The following COP1 variants were observed in gnomAD, a reference collection of about 807,000 sequenced individuals.
COP1 encodes E3 ubiquitin-protein ligase COP1.
In COP1, 24 loss-of-function variants were observed where a neutral mutation model predicts 101.3. The ratio of observed to expected loss-of-function variants is 0.24; its 90% CI spans 0.17 to 0.33. The LOEUF (loss-of-function observed/expected upper bound fraction) is 0.33, where lower values mean the gene tolerates loss of function less well. COP1 is among the 10% of genes least tolerant of loss of function. The probability of loss-of-function intolerance (pLI) is 1.00; values close to 1 mark genes in which losing one functional copy is unlikely to be tolerated. For missense variants in COP1, 663 were observed against 906.2 expected (o/e 0.73, Z 3.45); for synonymous variants, 347 against 341.9 (o/e 1.01, Z -0.17).
At position 176,142,491 on chromosome 1, in the gene COP1, A is replaced by C. The variant is rs138105928; in HGVS notation, c.832-5944T>G. On this transcript the variant is annotated intron_variant, in intron 6 of 19. Transcript: ENST00000367669. ...AGAAATTCACCTAAAAGATAATGAG[A>C]CAGTAATAGGTATAACAAGGAAAGG... Among the ~76,000 whole-genome samples the C allele has an allele frequency of 2.6e-3, 400 of 152,228 alleles. 3 individuals carry two copies. Among genetic ancestry groups the C allele is most frequent in the African/African-American group, 9.2e-3 (382 of 41,550 alleles).
At chr1:175,996,331 C>G (rs1660155425) in intron 15 of COP1, among the ~76,000 whole-genome samples, 1 of 152,260 alleles carries the variant, frequency 6.6e-6, no homozygotes. Context: ...CCTTTGAAAA[C>G]TGGCACAAGA....
chr1:176,024,354 T>C (rs1411901614), intron 15 of COP1, among the ~76,000 whole-genome samples: 1 of 152,144 alleles, frequency 6.6e-6, no homozygotes, highest in Non-Finnish European at 1.5e-5. Flanking sequence ...AACATTACTG[T>C]CCCATATTAC....
At chr1:176,082,867 G>A (rs1210880859) in intron 10 of COP1, among the ~76,000 whole-genome samples, 5 of 151,858 alleles carry the variant, frequency 3.3e-5, no homozygotes, top group Admixed American at 1.3e-4. Context: ...TGAGGAAACT[G>A]AGTGAGCTTT....
intron 1 of COP1, among the ~76,000 whole-genome samples, chr1:176,191,079 T>C (rs1421680713): frequency 6.6e-6 from 1 of 152,068 alleles, no homozygotes; most frequent in African/African-American, 2.4e-5. Flanking sequence ...CCTGATTCTT[T>C]GTGATTTTAT....
At chr1:176,026,743 C>T (rs1303029707) in intron 15 of COP1, among the ~76,000 whole-genome samples, 5 of 151,822 alleles carry the variant, frequency 3.3e-5, no homozygotes, top group Non-Finnish European at 7.4e-5. Context: ...GCTACTGTCT[C>T]CATCATATGG....
At chr1:176,101,660 A>G (rs1404612851) in intron 9 of COP1, among the ~76,000 whole-genome samples, 3 of 152,312 alleles carry the variant, frequency 2.0e-5, no homozygotes, top group Admixed American at 1.3e-4. Flanking sequence ...ACTAACTAGT[A>G]AAAGGTCTCG....
At chr1:175,956,399 A>T (rs1216002962) in intron 18 of COP1, among the ~76,000 whole-genome samples, 2 of 152,180 alleles carry the variant, frequency 1.3e-5, no homozygotes, top group Non-Finnish European at 2.9e-5. Context: ...ACATACATGT[A>T]AAAGCTGAAA....
chr1:175,945,389 A>G (rs187399481), intron 19 of COP1, among the ~76,000 whole-genome samples: 149 of 152,372 alleles, frequency 9.8e-4, no homozygotes, highest in African/African-American at 3.5e-3. Context: ...TCCACAGTTA[A>G]CTTGGAAGCC....
intron 3 of COP1, among the ~76,000 whole-genome samples, chr1:176,167,123 G>A (rs1405909138): frequency 3.9e-5 from 6 of 151,918 alleles, no homozygotes; most frequent in African/African-American, 9.7e-5. Flanking sequence ...ATATACACTG[G>A]ACTCAACATT....
At chr1:176,073,005 G>A (rs1320202213) in intron 11 of COP1, among the ~76,000 whole-genome samples, 1 of 152,152 alleles carries the variant, frequency 6.6e-6, no homozygotes, top group Non-Finnish European at 1.5e-5. Flanking sequence ...AAATCCTTAA[G>A]TGAATAGAAG....
At chr1:176,089,494 A>T (rs569233598) in intron 9 of COP1, among the ~76,000 whole-genome samples, 96 of 152,334 alleles carry the variant, frequency 6.3e-4, no homozygotes, top group African/African-American at 2.3e-3. Context: ...GGTCCTAAAT[A>T]TGTATGGTAT....
At chr1:175,999,738 G>C (rs984257958) in intron 15 of COP1, among the ~76,000 whole-genome samples, 1 of 151,982 alleles carries the variant, frequency 6.6e-6, no homozygotes, top group African/African-American at 2.4e-5. Flanking sequence ...CACTGTACAA[G>C]GGTTCCCTTT....
intron 5 of COP1, among the ~76,000 whole-genome samples, chr1:176,158,474 A>G (rs1204984334): frequency 6.6e-6 from 1 of 152,140 alleles, no homozygotes; most frequent in Non-Finnish European, 1.5e-5. Context: ...TGGTAAATAA[A>G]TGGGTAATAT....
At chr1:176,008,514 T>C (rs1017154767) in intron 15 of COP1, among the ~76,000 whole-genome samples, 11 of 152,232 alleles carry the variant, frequency 7.2e-5, no homozygotes, top group African/African-American at 2.7e-4. Context: ...ATTTGTCATA[T>C]TTTCCTTTAA....
intron 18 of COP1, among the ~76,000 whole-genome samples, chr1:175,951,577 G>A (rs952949082): frequency 4.6e-5 from 7 of 151,556 alleles, no homozygotes; most frequent in Non-Finnish European, 1.0e-4. Flanking sequence ...AGGCAGTACA[G>A]GACTGTGATC....
chr1:176,205,293 T>C (rs192803811), intron 1 of COP1, among the ~76,000 whole-genome samples: 1 of 152,334 alleles, frequency 6.6e-6, no homozygotes, highest in Non-Finnish European at 1.5e-5. Flanking sequence ...TAAATAACAA[T>C]CATATTACAG....
At chr1:175,994,971 C>T (rs13374628) in intron 15 of COP1, among the ~76,000 whole-genome samples, 9,486 of 152,126 alleles carry the variant, frequency 0.062, 680 homozygotes, top group African/African-American at 0.17. Context: ...AACACCTATT[C>T]CAAAATTGAC....
chr1:176,080,974 T>C (rs997920248), intron 11 of COP1, among the ~76,000 whole-genome samples, 178 bp downstream of exon 11: 9 of 152,104 alleles, frequency 5.9e-5, no homozygotes, highest in Non-Finnish European at 1.5e-5. Context: ...TATTCCACTT[T>C]AGAGACGAAG....
intron 15 of COP1, among the ~76,000 whole-genome samples, chr1:175,993,909 C>CCAAGAGATG (rs1357288983): frequency 6.6e-6 from 1 of 152,108 alleles, no homozygotes; most frequent in East Asian, 1.9e-4. Flanking sequence ...CAAAGATACT[C>CCAAGAGATG]CTCGAGAAGA....
Sources: allele counts gnomAD v4.1 joint callset (sites outside exome capture counted in the v4.1 genomes callset), GRCh38; gene constraint gnomAD v4.1.1; transcripts MANE v1.5; gene names NCBI Gene and HGNC (gene_info 2026-07-23, HGNC 2026-07-21).